Variants in MST1R observed in about 807,000 individuals in gnomAD.
MST1R encodes macrophage-stimulating protein receptor.
Under a neutral mutation model 117.8 loss-of-function variants are expected in MST1R, and 99 were observed. The ratio of observed to expected loss-of-function variants is 0.84; its 90% CI spans 0.71 to 0.99. MST1R has a LOEUF of 0.99. Among genes scored for constraint, MST1R ranks in the 50% least tolerant of loss-of-function variants. The probability of loss-of-function intolerance (pLI) is 0.00; values close to 1 mark genes in which losing one functional copy is unlikely to be tolerated. For missense variants in MST1R, 1,683 were observed against 1,840.2 expected (o/e 0.91, Z 1.56); for synonymous variants, 734 against 765.3 (o/e 0.96, Z 0.68).
chr3:49,889,755 C>G (rs1482140388), intron 19 of MST1R, among the ~76,000 whole-genome samples, 169 bp downstream of exon 19: 4 of 152,124 alleles, frequency 2.6e-5, no homozygotes, highest in African/African-American at 9.7e-5. Context: ...GGGTCCTACT[C>G]TGCATGAGGG....
chr3:49,890,299 C>T (rs2082274729), intron 18 of MST1R, among the ~76,000 whole-genome samples, 186 bp downstream of exon 18: 1 of 152,214 alleles, frequency 6.6e-6, no homozygotes, highest in Admixed American at 6.5e-5. Context: ...AGTGAGTTCC[C>T]AGCCTCCTCT....
intron 18 of MST1R, 27 bp downstream of exon 18, chr3:49,890,458 T>C (rs1301564754): frequency 1.1e-5 from 18 of 1,595,774 alleles, no homozygotes; most frequent in Non-Finnish European, 1.5e-5. Flanking sequence ...CAAAGCCATG[T>C]GGACTGTAGG....
At chr3:49,896,688 CA>C in intron 8 of MST1R, 40 bp downstream of exon 8, 1 of 1,609,328 alleles carries the variant, frequency 6.2e-7, no homozygotes, top group Non-Finnish European at 8.5e-7. Context: ...CTGGCTCTCT[CA>C]TTCCCCAGAG....
At position 49,902,526 on chromosome 3, in the gene MST1R, G is replaced by A. The variant is rs1177760334; in HGVS notation, c.1084C>T (p.Pro362Ser). The change falls in exon 1 of 20, where the codon CCC (proline) becomes TCC (serine). Residue 362 changes from proline (P) to serine (S), a missense_variant. Coordinates refer to ENST00000296474, the MANE Select transcript of MST1R (RefSeq NM_002447.4). ...GGGAAGGCACAGACGACAGAGTTGG[G>A]GCCCACGCCAGGACCACCATCCTTG... ...TGKDGGPGVGPNSVVCAFPID... is the reference protein window; with the variant it reads ...TGKDGGPGVGSNSVVCAFPID... 2 of 1,614,092 alleles carry A rather than the reference G, an allele frequency of 1.2e-6. No homozygotes were observed. Among genetic ancestry groups the A allele is most frequent in the East Asian group, 2.2e-5 (1 of 44,886 alleles).
At chr3:49,901,807 T>C (rs918533660) in intron 1 of MST1R, among the ~76,000 whole-genome samples, 6 of 151,556 alleles carry the variant, frequency 4.0e-5, no homozygotes, top group Non-Finnish European at 5.9e-5. Context: ...GGGGAGATTC[T>C]CTGACAACTC....
Position 49,898,634 on chromosome 3 carries a change from G to A in MST1R, c.1603C>T (p.Arg535Cys), listed in dbSNP as rs201544530. 6.8e-6 allele frequency: 11 copies of A among 1,614,192 alleles called. No individual in the cohort carries two copies. Among genetic ancestry groups the A allele is most frequent in the Non-Finnish European group, 7.6e-6 (9 of 1,180,040 alleles). The change falls in exon 4 of 20, where the codon CGT (arginine) becomes TGT (cysteine). Residue 535 changes from arginine to cysteine, a missense_variant. Transcript: ENST00000296474. ...PGCRHFLTCG[R>C]CLRAWHFMGC... The stretch of plus-strand genomic sequence containing the variant: ...ATGAAATGCCATGCCCTTAGGCAAC[G>A]CCCACAGGTCAGGAAGTGGCGGCAG...
chr3:49,887,529 G>C lies in MST1R; in HGVS notation c.3981C>G (p.Asp1327Glu). Residue 1327 changes from aspartate (D) to glutamate (E), a missense_variant, in exon 20 of 20, where the codon GAC (aspartate) becomes GAG (glutamate). Asp to Glu is a conservative substitution (Grantham distance 45). Transcript: ENST00000296474. ...CTCTGAAGGTGGGTCGCACTGCTGG[G>C]TCTGCCTCCCAGCATTGCTGCATCA... ...YQVMQQCWEA[D>E]PAVRPTFRVL... The C allele has an allele frequency of 3.1e-6, 5 of 1,614,184 alleles. No individual in the cohort carries two copies. Among genetic ancestry groups the C allele is most frequent in the Non-Finnish European group, 4.2e-6 (5 of 1,180,018 alleles).
intron 18 of MST1R, 122 bp downstream of exon 18, chr3:49,890,363 G>T: frequency 9.3e-7 from 1 of 1,080,336 alleles, no homozygotes; most frequent in Admixed American, 2.8e-5. Flanking sequence ...GTGAGCAGAT[G>T]GGCTGTGGGG....
At chr3:49,893,501 G>A (rs1262772195) in intron 14 of MST1R, among the ~76,000 whole-genome samples, 1 of 151,806 alleles carries the variant, frequency 6.6e-6, no homozygotes, top group African/African-American at 2.4e-5. Context: ...CTACTAGGGA[G>A]GGTGAGGCAG....
Position 49,903,604 on chromosome 3 carries a change from C to T in MST1R, c.6G>A (p.Glu2=), listed in dbSNP as rs754630323. ...AGGACTGAGGCAGCGGCGGGAGGAG[C>T]TCCATCGAGGCGAGCTGGGACCCTA... M[E]LLPPLPQSFL... is the part of the protein sequence containing the mutation. The change falls in exon 1 of 20, where the codon GAG becomes GAA. Residue 2 remains glutamate, a synonymous_variant. Coordinates refer to ENST00000296474, the MANE Select transcript of MST1R (RefSeq NM_002447.4). 3 of 1,559,182 alleles carry T rather than the reference C, an allele frequency of 1.9e-6. No individual in the cohort carries two copies. Among genetic ancestry groups the T allele is most frequent in the African/African-American group, 1.3e-5 (1 of 74,526 alleles).
In MST1R at chr3:49,897,809, A is replaced by G. The variant is rs2082533450; in HGVS notation, c.1881-124T>C. The G allele has an allele frequency of 3.0e-6, 4 of 1,342,306 alleles. No homozygotes were observed. The South Asian group carries it at 4.4e-5, about 15-fold the overall frequency. The allele number at this position is 1,342,306 out of a possible 1,614,324, so 83.1% of individuals were successfully genotyped here. On this transcript the variant is annotated intron_variant, in intron 5 of 19. Transcript: ENST00000296474. Reference sequence around the variant, plus strand: ...CATTTCTCCACCCATGCCTCCCTCCATGGAAGGAAGGTTCTGGTGGGGCAG... The same window carrying G: ...CATTTCTCCACCCATGCCTCCCTCCGTGGAAGGAAGGTTCTGGTGGGGCAG...
In MST1R at chr3:49,891,207, G is replaced by A. The variant is rs375490243; in HGVS notation, c.3634C>T (p.Arg1212Trp). Residue 1212 changes from arginine (R) to tryptophan (W), a missense_variant, in exon 17 of 20, where the codon CGG becomes TGG. Physicochemically the swap from Arg to Trp is moderately radical, Grantham distance 101. Coordinates refer to ENST00000296474, the MANE Select transcript of MST1R (RefSeq NM_002447.4). ...ACTCTGGACTCTCACATGCAGTTCC[G>A]CGCAGCCAGGTCCCTGTGCACAAAC... ...QKFVHRDLAARNCMLDESFTV... is the reference protein window; with the variant it reads ...QKFVHRDLAAWNCMLDESFTV... 2.1e-5 allele frequency: 34 copies of A among 1,613,696 alleles called. No individual in the cohort carries two copies. Among genetic ancestry groups the A allele is most frequent in the Non-Finnish European group, 2.6e-5 (31 of 1,179,996 alleles).
intron 14 of MST1R, among the ~76,000 whole-genome samples, chr3:49,892,514 G>A (rs1032958118): frequency 6.6e-6 from 1 of 151,664 alleles, no homozygotes; most frequent in Non-Finnish European, 1.5e-5. Flanking sequence ...GAGACAGGGC[G>A]AGACTCCATC....
In MST1R at chr3:49,895,366, A is replaced by ACTCCACACAAT; in HGVS notation, c.3071_3072insATTGTGTGGAG (p.Ala1025LeufsTer39). 6.2e-7 allele frequency: 1 copy of ACTCCACACAAT among 1,614,248 alleles called. No individual in the cohort carries two copies. Among genetic ancestry groups the ACTCCACACAAT allele is most frequent in the Non-Finnish European group, 8.5e-7 (1 of 1,180,046 alleles). ...TGGTGGAATCCAGACCATCAATGGC[A>ACTCCACACAAT]GGGAGTGCTGTGGGGAGAGGGAATG... On this transcript the variant is annotated frameshift_variant, in exon 14 of 20. Transcript: ENST00000296474. LOFTEE classifies it high-confidence loss of function.
chr3:49,902,381 G>T lies in MST1R; in HGVS notation c.1229C>A (p.Pro410Gln). 6.2e-7 allele frequency: 1 copy of T among 1,612,924 alleles called. No homozygotes were observed. The highest frequency in any genetic ancestry group is 8.5e-7 in the Non-Finnish European group (1 of 1,179,480). ...TAAGGGCCCCTTCTTTCAGCTTACC[G>T]GGTTGGGGCAAAAACTGGGCGACTG... ...FFQSPSFCPNPPGLEALSPNT... is the reference protein window; with the variant it reads ...FFQSPSFCPNQPGLEALSPNT... Residue 410 changes from proline (P) to glutamine (Q), a missense_variant and splice_region_variant, in exon 1 of 20, where the codon CCG becomes CAG. Physicochemically the swap from Pro to Gln is moderately conservative, Grantham distance 76. Transcript: ENST00000296474.
At chr3:49,889,546 A>C (rs1246535512) in intron 19 of MST1R, among the ~76,000 whole-genome samples, 1 of 152,060 alleles carries the variant, frequency 6.6e-6, no homozygotes, top group African/African-American at 2.4e-5. Flanking sequence ...ACAGTGAAAA[A>C]ACCTGACCTG....
At chr3:49,899,328 T>C (rs1559480815) in intron 1 of MST1R, 65 bp from the exon 2 acceptor site, 1 of 1,553,762 alleles carries the variant, frequency 6.4e-7, no homozygotes, top group Non-Finnish European at 8.8e-7. Context: ...TCTGGGGCCT[T>C]TGTCAGTGGC....
rs1388417237 is a variant in MST1R, at chr3:49,903,289, ACAGGCTGCACACGTCTGGCAG to A, written c.300_320del (p.Cys101_Cys107del). 3 of 1,611,782 alleles carry A rather than the reference ACAGGCTGCACACGTCTGGCAG, an allele frequency of 1.9e-6. No individual in the cohort carries two copies. The highest frequency in any genetic ancestry group is 2.5e-6 in the Non-Finnish European group (3 of 1,179,966). The stretch of plus-strand genomic sequence containing the variant: ...CGGGAGGGCCGTGGGGTCCTGGGCC[ACAGGCTGCACACGTCTGGCAG>A]CCAGGGTCTCCAGCAGGGCCCGTGG... On this transcript the variant is annotated inframe_deletion, in exon 1 of 20. Coordinates refer to ENST00000296474, the MANE Select transcript of MST1R (RefSeq NM_002447.4).
intron 14 of MST1R, 59 bp downstream of exon 14, chr3:49,895,108 G>C: frequency 2.5e-6 from 4 of 1,592,178 alleles, no homozygotes; most frequent in Non-Finnish European, 3.4e-6. Context: ...ACCACGCCTG[G>C]CCTAGCCTAT....
Sources: allele counts gnomAD v4.1 joint callset (sites outside exome capture counted in the v4.1 genomes callset), GRCh38; gene constraint gnomAD v4.1.1; transcripts MANE v1.5; gene names NCBI Gene and HGNC (gene_info 2026-07-23, HGNC 2026-07-21).